The following CCDC90B variants were observed in gnomAD, a reference collection of about 807,000 sequenced individuals.
CCDC90B encodes the protein coiled-coil domain containing 90B.
Under a neutral mutation model 37.0 loss-of-function variants are expected in CCDC90B, and 24 were observed. That is an observed-to-expected ratio of 0.65 (90% confidence interval 0.47 to 0.91). CCDC90B has a LOEUF of 0.91. Ranked by LOEUF, CCDC90B falls within the 40% of genes least tolerant of loss-of-function variation. The pLI is 0.00. For missense variants in CCDC90B, 319 were observed against 299.0 expected, an observed-to-expected ratio of 1.07 and a Z score of -0.49; for synonymous variants, 113 against 101.1, an observed-to-expected ratio of 1.12 and a Z score of -0.71.
At chr11:83,278,593 T>C in intron 3 of CCDC90B, 133 bp downstream of exon 3, 1 of 570,102 alleles carries the variant, frequency 1.8e-6, no homozygotes, top group Non-Finnish European at 3.1e-6. Context: ...TATTCAATGT[T>C]TTTTTTTGTG....
At chr11:83,277,889 TTC>T (rs1865141321) in intron 3 of CCDC90B, among the ~76,000 whole-genome samples, 2 of 152,196 alleles carry the variant, frequency 1.3e-5, no homozygotes, top group African/African-American at 4.8e-5. Context: ...ATCCTGATTT[TTC>T]TCTGTGCTGT....
intron 1 of CCDC90B, chr11:83,285,660 A>C (rs781193685): frequency 5.8e-5 from 81 of 1,398,280 alleles, no homozygotes; most frequent in Non-Finnish European, 7.2e-5. Flanking sequence ...GGTTCGCTTT[A>C]AGAACAGAAA....
Position 83,273,646 on chromosome 11 carries a change from C to G in CCDC90B, c.594+1G>C. On this transcript the variant is annotated splice_donor_variant, in intron 7 of 8. Transcript: ENST00000529689. LOFTEE classifies it high-confidence loss of function. ...AGAGACATTTTTACATATTACTTTA[C>G]CTTTTTTGTAAATTCTGTAGTTGTT... The G allele has an allele frequency of 6.3e-7, 1 of 1,587,856 alleles. No homozygotes were observed. The highest frequency in any genetic ancestry group is 8.6e-7 in the Non-Finnish European group (1 of 1,165,342).
intron 8 of CCDC90B, among the ~76,000 whole-genome samples, chr11:83,264,361 A>G (rs1864119456): frequency 6.7e-6 from 1 of 149,172 alleles, no homozygotes; most frequent in Non-Finnish European, 1.5e-5. Context: ...AGTATATAAG[A>G]TGTTTATATA....
intron 2 of CCDC90B, 126 bp from the exon 3 acceptor site, chr11:83,278,955 T>C (rs1161351740): frequency 2.0e-5 from 12 of 594,070 alleles, no homozygotes; most frequent in African/African-American, 5.7e-5. Flanking sequence ...AATTAAAAAA[T>C]TGACAGATAA....
chr11:83,267,911 T>C (rs1864388479), intron 7 of CCDC90B, among the ~76,000 whole-genome samples: 1 of 152,228 alleles, frequency 6.6e-6, no homozygotes, highest in African/African-American at 2.4e-5. Flanking sequence ...AGCGGACCTC[T>C]TGGCAGAAAC....
At chr11:83,264,106 A>G (rs1302422400) in intron 8 of CCDC90B, among the ~76,000 whole-genome samples, 1 of 152,202 alleles carries the variant, frequency 6.6e-6, no homozygotes, top group Non-Finnish European at 1.5e-5. Context: ...GTGTGTGTGT[A>G]TGTGTATTTA....
In CCDC90B at chr11:83,274,661, G is replaced by T; in HGVS notation, c.404C>A (p.Ala135Glu). 6.2e-7 allele frequency: 1 copy of T among 1,605,770 alleles called. No individual in the cohort carries two copies. The highest frequency in any genetic ancestry group is 8.5e-7 in the Non-Finnish European group (1 of 1,175,384). ...DMVILEKSEF[A>E]NLRAENEKMK... ...CACCTCATTCTCTGCTCTCAGATTTGCAAATTCACTTTTCTCTAGGATGAC... is the reference window on the plus strand; with the variant it reads ...CACCTCATTCTCTGCTCTCAGATTTTCAAATTCACTTTTCTCTAGGATGAC... The change falls in exon 4 of 9, where the codon GCA (alanine) becomes GAA (glutamate). Residue 135 changes from alanine (A) to glutamate (E), a missense_variant. Coordinates refer to ENST00000529689, the MANE Select transcript of CCDC90B (RefSeq NM_021825.5).
chr11:83,286,058 G>C lies in CCDC90B; in HGVS notation c.-86C>G. 1.3e-6 allele frequency: 2 copies of C among 1,543,088 alleles called. No individual in the cohort carries two copies. The highest frequency in any genetic ancestry group is 1.7e-6 in the Non-Finnish European group (2 of 1,147,430). ...CGGGCAAGGTAGTTCTGGCACCACA[G>C]GAATGCTGGGAATTGTAGTTTTCGC... On this transcript the variant is annotated 5_prime_UTR_variant, in exon 1 of 9. Transcript: ENST00000529689.
intron 1 of CCDC90B, among the ~76,000 whole-genome samples, chr11:83,283,681 GC>G (rs1865521521): frequency 6.6e-6 from 1 of 152,204 alleles, no homozygotes; most frequent in African/African-American, 2.4e-5. Context: ...GTCTTTACAG[GC>G]CGGGTGCAGT....
At chr11:83,269,387 A>C (rs867486917) in intron 7 of CCDC90B, among the ~76,000 whole-genome samples, 2 of 152,132 alleles carry the variant, frequency 1.3e-5, no homozygotes, top group African/African-American at 4.8e-5. Context: ...TTTTGAAAAG[A>C]TCAACAAAAT....
chr11:83,273,098 AT>A (rs1864779386), intron 7 of CCDC90B: 2 of 122 alleles, frequency 0.016, no homozygotes, highest in South Asian at 0.5. Context: ...TATCTGGCAC[AT>A]TAAATAAACA....
chr11:83,279,928 CAT>C (rs1865285657), intron 2 of CCDC90B, among the ~76,000 whole-genome samples: 1 of 151,870 alleles, frequency 6.6e-6, no homozygotes, highest in African/African-American at 2.4e-5. Flanking sequence ...CATATTATTT[CAT>C]ATGCTTTTTT....
At chr11:83,270,184 C>G (rs1864566731) in intron 7 of CCDC90B, among the ~76,000 whole-genome samples, 1 of 152,104 alleles carries the variant, frequency 6.6e-6, no homozygotes, top group African/African-American at 2.4e-5. Context: ...TATGACAAAC[C>G]CACAGCCAAT....
At chr11:83,266,268 C>T (rs1864265656) in intron 7 of CCDC90B, among the ~76,000 whole-genome samples, 3 of 152,188 alleles carry the variant, frequency 2.0e-5, no homozygotes, top group Non-Finnish European at 2.9e-5. Flanking sequence ...ACAGTGGGTG[C>T]AGCGCACGGA....
intron 7 of CCDC90B, among the ~76,000 whole-genome samples, chr11:83,272,807 G>GAA (rs1357897846): frequency 6.6e-6 from 1 of 152,158 alleles, no homozygotes; most frequent in Admixed American, 6.5e-5. Context: ...GAACTTTTAA[G>GAA]AAAAGGACAA....
At chr11:83,272,370 A>G (rs1277077573) in intron 7 of CCDC90B, among the ~76,000 whole-genome samples, 2 of 152,230 alleles carry the variant, frequency 1.3e-5, no homozygotes, top group East Asian at 1.9e-4. Context: ...TCATAATAAC[A>G]TATTTATACC....
chr11:83,261,961 C>T lies in CCDC90B; in HGVS notation c.715G>A (p.Val239Met), dbSNP rs781678170. Residue 239 changes from valine (V) to methionine (M), a missense_variant, in exon 9 of 9, where the codon GTG becomes ATG. By Grantham distance (21) the Val-to-Met change is conservative. Coordinates refer to ENST00000529689, the MANE Select transcript of CCDC90B (RefSeq NM_021825.5). ...LETIRYLAAS[V>M]FTCLAIALGF... ...AATGCTATTGCCAGGCAAGTAAACA[C>T]CGAAGCTGTGAAAAGAAGAAACTGT... 1 of 1,597,902 alleles carries T rather than the reference C, an allele frequency of 6.3e-7. No homozygotes were observed. The highest frequency in any genetic ancestry group is 1.1e-5 in the South Asian group (1 of 88,948).
In CCDC90B at chr11:83,261,490, G is replaced by T. The variant is rs780835347; in HGVS notation, c.*421C>A. On this transcript the variant is annotated 3_prime_UTR_variant, in exon 9 of 9. Transcript: ENST00000529689. ...ATAATCTTTCATTTTATAGAAAAAT[G>T]TAATTATGCAATGGTTATCAGGAAA... 24 of 153,086 alleles carry T rather than the reference G, an allele frequency of 1.6e-4. No homozygotes were observed. Among genetic ancestry groups the T allele is most frequent in the Non-Finnish European group, 2.8e-4 (19 of 68,670 alleles). The allele number at this position is 153,086 out of a possible 1,614,324, so 9.5% of individuals were successfully genotyped here.
Sources: gnomAD v4.1 joint callset for allele counts (sites outside exome capture counted in the v4.1 genomes callset) on GRCh38, gnomAD v4.1.1 for gene constraint, MANE v1.5 for transcripts, NCBI Gene and HGNC (gene_info 2026-07-23, HGNC 2026-07-21) for gene names.